The following UBE2H variants were observed in gnomAD, a reference collection of about 807,000 sequenced individuals.
UBE2H encodes the protein ubiquitin-conjugating enzyme E2 H.
UBE2H carries 3 observed loss-of-function variants against 29.0 expected under a neutral mutation model. The observed-to-expected ratio is 0.10, with a 90% confidence interval of 0.05 to 0.27. The LOEUF (loss-of-function observed/expected upper bound fraction) is 0.27. UBE2H is among the 10% of genes least tolerant of loss of function. UBE2H has a pLI of 1.00. For synonymous variants in UBE2H, 69 were observed against 82.9 expected (o/e 0.83, Z 0.91); for missense variants, 68 against 228.2 (o/e 0.30, Z 4.52).
chr7:129,867,443 G>A (rs567909597), intron 3 of UBE2H, among the ~76,000 whole-genome samples: 2 of 127,458 alleles, frequency 1.6e-5, no homozygotes, highest in African/African-American at 3.0e-5. Context: ...GTAAACTATC[G>A]CAAGAACAAA....
At chr7:129,843,182 G>A (rs1183915904) in intron 5 of UBE2H, among the ~76,000 whole-genome samples, 2 of 151,706 alleles carry the variant, frequency 1.3e-5, no homozygotes, top group Non-Finnish European at 2.9e-5. Flanking sequence ...TGTATTTTTA[G>A]CAGAGAAGGG....
At chr7:129,923,977 GATTCAT>G (rs1049368792) in intron 1 of UBE2H, among the ~76,000 whole-genome samples, 1 of 152,180 alleles carries the variant, frequency 6.6e-6, no homozygotes, top group African/African-American at 2.4e-5. Flanking sequence ...AGCAAAAACT[GATTCAT>G]TCACAGAGTA....
intron 5 of UBE2H, among the ~76,000 whole-genome samples, chr7:129,849,751 C>T (rs1805575788): frequency 6.6e-6 from 1 of 152,076 alleles, no homozygotes; most frequent in Admixed American, 6.5e-5. Context: ...CAATGCTGCA[C>T]CTAGTTTACT....
At chr7:129,874,798 A>AC (rs1166393065) in intron 3 of UBE2H, among the ~76,000 whole-genome samples, 1 of 152,198 alleles carries the variant, frequency 6.6e-6, no homozygotes, top group Non-Finnish European at 1.5e-5. Context: ...ACTTGAGGTA[A>AC]CCACCCAAGA....
chr7:129,948,198 C>T (rs1027867459), intron 1 of UBE2H, among the ~76,000 whole-genome samples: 16 of 151,234 alleles, frequency 1.1e-4, no homozygotes, highest in African/African-American at 3.9e-4. Flanking sequence ...CTCTGTTGCC[C>T]AGGCATGAGT....
Position 129,952,701 on chromosome 7 carries a change from GCCC to G in UBE2H, c.-149_-147del. 1 of 736,884 alleles carries G rather than the reference GCCC, an allele frequency of 1.4e-6. No individual in the cohort carries two copies. The highest frequency in any genetic ancestry group is 1.9e-6 in the Non-Finnish European group (1 of 515,700). The allele number at this position is 736,884 out of a possible 1,614,324, so 45.6% of individuals were successfully genotyped here. A position where few individuals can be genotyped will look rare whatever the true frequency, so the allele number is the denominator to read the frequency against. Reference sequence around the variant, plus strand: ...GGCGGTCCCGTCAGCCGCCGCCGCCGCCCCCCGCACGGGGGAACACCGGGCACT... The same window carrying G: ...GGCGGTCCCGTCAGCCGCCGCCGCCGCCCGCACGGGGGAACACCGGGCACT... On this transcript the variant is annotated 5_prime_UTR_variant, in exon 1 of 7. Transcript: ENST00000355621.
intron 1 of UBE2H, among the ~76,000 whole-genome samples, chr7:129,910,531 G>A (rs934422711): frequency 3.3e-5 from 5 of 152,082 alleles, no homozygotes; most frequent in Non-Finnish European, 7.4e-5. Flanking sequence ...TTTATACCAA[G>A]GTTAGGCTTT....
At chr7:129,852,131 T>C (rs927711788) in intron 5 of UBE2H, among the ~76,000 whole-genome samples, 3 of 152,182 alleles carry the variant, frequency 2.0e-5, no homozygotes, top group African/African-American at 7.2e-5. Context: ...TGAAGACACA[T>C]ACATGTATTT....
chr7:129,929,166 A>G (rs1422912065), intron 1 of UBE2H, among the ~76,000 whole-genome samples: 1 of 152,096 alleles, frequency 6.6e-6, no homozygotes, highest in Non-Finnish European at 1.5e-5. Flanking sequence ...TAAAAATACA[A>G]AATTAGCTGG....
intron 2 of UBE2H, 57 bp from the exon 3 acceptor site, chr7:129,879,699 C>T: frequency 6.7e-7 from 1 of 1,489,818 alleles, no homozygotes; most frequent in Non-Finnish European, 9.3e-7. Flanking sequence ...GAAAATAAAT[C>T]TGAGTGTAAA....
At chr7:129,876,674 G>T (rs1292139679) in intron 3 of UBE2H, among the ~76,000 whole-genome samples, 1 of 152,070 alleles carries the variant, frequency 6.6e-6, no homozygotes, top group Admixed American at 6.5e-5. Flanking sequence ...AAAGCATCAA[G>T]ATTTGCCATC....
intron 4 of UBE2H, among the ~76,000 whole-genome samples, chr7:129,858,627 A>G (rs1183746887): frequency 6.6e-6 from 1 of 152,232 alleles, no homozygotes; most frequent in Non-Finnish European, 1.5e-5. Context: ...CAAAAAGAGA[A>G]GTGAGATGTG....
intron 6 of UBE2H, among the ~76,000 whole-genome samples, chr7:129,838,038 T>A (rs1805362713): frequency 6.6e-6 from 1 of 152,210 alleles, no homozygotes; most frequent in African/African-American, 2.4e-5. Context: ...TGCTAAGTGA[T>A]TCCTATGTCA....
In UBE2H at chr7:129,931,517, GA is replaced by G. The variant is rs202131167; in HGVS notation, c.53+20985del. Among the ~76,000 whole-genome samples the G allele has an allele frequency of 9.4e-4, 139 of 147,790 alleles. 2 individuals are homozygous for G. The highest frequency in any genetic ancestry group is 1.3e-3 in the South Asian group (6 of 4,698). ...GCATATAAATATAAATCATCTTTAA[GA>G]AAAAAAAAACTAATTTCCAAAACAA... is the stretch of plus-strand genomic sequence containing the variant. On this transcript the variant is annotated intron_variant, in intron 1 of 6. Coordinates refer to ENST00000355621, the MANE Select transcript of UBE2H (RefSeq NM_003344.4).
chr7:129,891,077 G>A (rs1373821088), intron 1 of UBE2H, among the ~76,000 whole-genome samples: 6 of 151,838 alleles, frequency 4.0e-5, no homozygotes, highest in South Asian at 4.2e-4. Flanking sequence ...TGGAGGTTGC[G>A]GTGAGCCGAG....
Position 129,925,856 on chromosome 7 carries a change from T to A in UBE2H, c.53+26647A>T, listed in dbSNP as rs144008824. 7.9e-5 allele frequency among the ~76,000 whole-genome samples: 12 copies of A among 152,320 alleles called. No homozygotes were observed. In the East Asian group the frequency reaches 2.3e-3, roughly 29 times the overall value. On this transcript the variant is annotated intron_variant, in intron 1 of 6. Coordinates refer to ENST00000355621, the MANE Select transcript of UBE2H (RefSeq NM_003344.4). ...GGAATACACACTGCGGCAATCTGGA[T>A]TCCCTGATGACATGAAGCCCGCCCT...
intron 1 of UBE2H, 98 bp downstream of exon 1, chr7:129,952,405 T>G: frequency 6.7e-7 from 1 of 1,482,106 alleles, no homozygotes; most frequent in Admixed American, 1.8e-5. Context: ...GACAGTGGCC[T>G]GGAGTGCCCC....
intron 1 of UBE2H, among the ~76,000 whole-genome samples, chr7:129,883,766 C>T (rs1276870291): frequency 2.6e-5 from 4 of 152,088 alleles, no homozygotes; most frequent in East Asian, 3.9e-4. Flanking sequence ...CGCTTGAATC[C>T]GGAAGGCAGA....
chr7:129,848,207 A>C (rs1304853598), intron 5 of UBE2H, among the ~76,000 whole-genome samples: 1 of 152,176 alleles, frequency 6.6e-6, no homozygotes, highest in Non-Finnish European at 1.5e-5. Context: ...TGGACGACAG[A>C]GCAAGACTCT....
Sources: gnomAD v4.1 joint callset for allele counts (sites outside exome capture counted in the v4.1 genomes callset) on GRCh38, gnomAD v4.1.1 for gene constraint, MANE v1.5 for transcripts, NCBI Gene and HGNC (gene_info 2026-07-23, HGNC 2026-07-21) for gene names.